ARB2A: variants seen among roughly 807,000 people sequenced by gnomAD.
The protein encoded by ARB2A is cotranscriptional regulator ARB2A.
chr5:94,000,748 C>T, the ARB2A span, among the ~76,000 whole-genome samples: 1 of 152,040 alleles, frequency 6.6e-6, no homozygotes, highest in Non-Finnish European at 1.5e-5. Flanking sequence ...GTAGAGTTTT[C>T]TCCTCTTTAT....
chr5:93,844,304 T>G, the ARB2A span, among the ~76,000 whole-genome samples: 1 of 151,548 alleles, frequency 6.6e-6, no homozygotes, highest in Admixed American at 6.6e-5. Context: ...ATTAGCCAGG[T>G]GTGGTGGTGC....
chr5:93,797,052 C>G, the ARB2A span, among the ~76,000 whole-genome samples: 1 of 152,218 alleles, frequency 6.6e-6, no homozygotes, highest in Non-Finnish European at 1.5e-5. Context: ...ACTAGTGAAC[C>G]ATAAACAGTC....
the ARB2A span, among the ~76,000 whole-genome samples, chr5:93,745,037 G>T: frequency 1.1e-4 from 16 of 152,212 alleles, no homozygotes; most frequent in African/African-American, 3.1e-4. Context: ...GTGGTTTTCT[G>T]AAAGAGTTGT....
the ARB2A span, among the ~76,000 whole-genome samples, chr5:93,755,111 T>C: frequency 1.3e-5 from 2 of 152,214 alleles, no homozygotes; most frequent in African/African-American, 4.8e-5. Context: ...TATAGTACCA[T>C]GTGGAATTTT....
At chr5:93,866,850 A>T in the ARB2A span, among the ~76,000 whole-genome samples, 1 of 152,210 alleles carries the variant, frequency 6.6e-6, no homozygotes, top group Non-Finnish European at 1.5e-5. Context: ...ATATCTACTA[A>T]GTTTTAGATA....
the ARB2A span, among the ~76,000 whole-genome samples, chr5:94,090,091 T>C: frequency 1.3e-5 from 2 of 152,216 alleles, no homozygotes; most frequent in African/African-American, 4.8e-5. Context: ...TTCAATTGAA[T>C]AAGGAAATCA....
At chr5:94,105,833 A>G in the ARB2A span, among the ~76,000 whole-genome samples, 1 of 151,886 alleles carries the variant, frequency 6.6e-6, no homozygotes, top group Admixed American at 6.6e-5. Context: ...ATAAAGCCAC[A>G]CACCTAAAAC....
the ARB2A span, among the ~76,000 whole-genome samples, chr5:94,085,056 T>A: frequency 6.6e-6 from 1 of 152,182 alleles, no homozygotes; most frequent in Non-Finnish European, 1.5e-5. Flanking sequence ...TACAGATTCT[T>A]ATTCATGTTT....
chr5:94,093,663 C>T, the ARB2A span, among the ~76,000 whole-genome samples: 4 of 152,170 alleles, frequency 2.6e-5, no homozygotes, highest in Non-Finnish European at 5.9e-5. Context: ...ATGTCCTTAT[C>T]ACATGCAAAA....
chr5:93,647,821 G>A, the ARB2A span, among the ~76,000 whole-genome samples: 125 of 152,316 alleles, frequency 8.2e-4, no homozygotes, highest in Admixed American at 4.3e-3. Context: ...ACTGCGCCAA[G>A]TGCAGGATCG....
At chr5:93,729,990 C>A in the ARB2A span, among the ~76,000 whole-genome samples, 1 of 152,078 alleles carries the variant, frequency 6.6e-6, no homozygotes, top group African/African-American at 2.4e-5. Flanking sequence ...AATTCAAGCA[C>A]CTTCTGTTTC....
chr5:93,927,352 A>T, the ARB2A span, among the ~76,000 whole-genome samples: 1 of 152,148 alleles, frequency 6.6e-6, no homozygotes, highest in South Asian at 2.1e-4. Context: ...CTCCATGTGG[A>T]CTAATGATTC....
At chr5:93,976,051 T>C in the ARB2A span, among the ~76,000 whole-genome samples, 1 of 152,204 alleles carries the variant, frequency 6.6e-6, no homozygotes, top group Non-Finnish European at 1.5e-5. Context: ...CATGATCAAG[T>C]GGGCTTTATT....
the ARB2A span, among the ~76,000 whole-genome samples, chr5:93,761,653 C>CAGCAGA: frequency 6.6e-6 from 1 of 152,198 alleles, no homozygotes; most frequent in East Asian, 1.9e-4. Context: ...AAACAAAAGG[C>CAGCAGA]AGCAGAATCC....
At chr5:93,875,007 G>A in the ARB2A span, among the ~76,000 whole-genome samples, 4 of 152,082 alleles carry the variant, frequency 2.6e-5, 1 homozygote, top group African/African-American at 9.7e-5. Context: ...TAGAGATGAA[G>A]TCTTGCTATA....
the ARB2A span, among the ~76,000 whole-genome samples, chr5:93,617,802 A>AG: frequency 2.0e-4 from 30 of 152,164 alleles, no homozygotes; most frequent in Admixed American, 2.0e-3. Context: ...TAGGTTGTTC[A>AG]GATTTCCTTG....
chr5:93,847,224 T>C, the ARB2A span, among the ~76,000 whole-genome samples: 1 of 152,198 alleles, frequency 6.6e-6, no homozygotes, highest in African/African-American at 2.4e-5. Flanking sequence ...TCTAGTTCTC[T>C]TGCTGTTTCC....
the ARB2A span, among the ~76,000 whole-genome samples, chr5:93,768,549 A>T: frequency 6.6e-6 from 1 of 151,170 alleles, no homozygotes; most frequent in African/African-American, 2.4e-5. Context: ...TAGCGTATAC[A>T]TTTATACACT....
chr5:93,865,983 C>A, the ARB2A span: 1 of 985,296 alleles, frequency 1.0e-6, no homozygotes, highest in Non-Finnish European at 1.2e-6. Flanking sequence ...GAATTATGTC[C>A]CCTTAAGAGT....
Sources: gnomAD v4.1 joint callset for allele counts (sites outside exome capture counted in the v4.1 genomes callset) on GRCh38, gnomAD v4.1.1 for gene constraint, MANE v1.5 for transcripts, NCBI Gene and HGNC (gene_info 2026-07-23, HGNC 2026-07-21) for gene names.